Variants in ARHGAP26 observed in about 807,000 individuals in gnomAD.
The protein encoded by ARHGAP26 is rho GTPase-activating protein 26.
A neutral mutation model predicts 104.8 loss-of-function variants in ARHGAP26; 38 were observed. The ratio of observed to expected loss-of-function variants is 0.36; its 90% CI spans 0.28 to 0.48. The LOEUF is 0.48. Ranked by LOEUF, ARHGAP26 falls within the 20% of genes least tolerant of loss-of-function variation. The pLI, the probability that ARHGAP26 is intolerant of heterozygous loss-of-function variation, is 0.99. For missense variants in ARHGAP26, 704 were observed against 947.9 expected (o/e 0.74, Z 3.38); for synonymous variants, 341 against 340.0 (o/e 1.00, Z -0.03).
chr5:143,069,235 T>C (rs955123014), intron 17 of ARHGAP26, among the ~76,000 whole-genome samples: 7 of 152,238 alleles, frequency 4.6e-5, no homozygotes, highest in Admixed American at 6.5e-5. Context: ...ATATTTGATT[T>C]GTTTACTCGT....
At chr5:142,810,867 A>C (rs534733848) in intron 1 of ARHGAP26, among the ~76,000 whole-genome samples, 4 of 152,228 alleles carry the variant, frequency 2.6e-5, no homozygotes, top group Non-Finnish European at 5.9e-5. Context: ...TTTGTGTCCT[A>C]CATAAAGCGA....
In ARHGAP26 at chr5:142,899,260, CT is replaced by C. The variant is rs201579740; in HGVS notation, c.598-2668del. On this transcript the variant is annotated intron_variant, in intron 6 of 22. Coordinates refer to ENST00000645722, the MANE Select transcript of ARHGAP26 (RefSeq NM_001135608.3). ...CAGAGGTATTAGGACTTCAACATATCTTTTTTTGGGGGACACAATTTAACCC... is the reference window on the plus strand; with the variant it reads ...CAGAGGTATTAGGACTTCAACATATCTTTTTTGGGGGACACAATTTAACCC... 7.4e-3 allele frequency among the ~76,000 whole-genome samples: 1,134 copies of C among 152,224 alleles called. 14 individuals are homozygous for C. The highest frequency in any genetic ancestry group is 0.026 in the African/African-American group (1,077 of 41,532).
chr5:143,098,978 G>A (rs537845317), intron 17 of ARHGAP26, among the ~76,000 whole-genome samples: 129 of 152,306 alleles, frequency 8.5e-4, no homozygotes, highest in African/African-American at 3.1e-3. Context: ...CTTCAAAAGA[G>A]GACAGCAGAG....
At position 142,949,210 on chromosome 5, in the gene ARHGAP26, A is replaced by AG. The variant is rs1562136793; in HGVS notation, c.1107+17086dup. Among the ~76,000 whole-genome samples, 63 of 63,136 alleles carry AG rather than the reference A, an allele frequency of 1.0e-3. 7 individuals are homozygous for AG. The East Asian group carries it at 0.011, about 11-fold the overall frequency. 41.4% of individuals were successfully genotyped at this position (63,136 alleles called of 152,430 possible). On this transcript the variant is annotated intron_variant, in intron 11 of 22. Transcript: ENST00000645722. ...GAGAGAGAGAGAGAGAGAGAGAGAG[A>AG]GAGAGAGAGAGGAGAGAGAGAGGAG...
At chr5:142,906,385 T>C (rs1761105580) in intron 8 of ARHGAP26, among the ~76,000 whole-genome samples, 1 of 152,234 alleles carries the variant, frequency 6.6e-6, no homozygotes, top group African/African-American at 2.4e-5. Context: ...GAGCTGATCT[T>C]TACTATGATG....
intron 6 of ARHGAP26, 134 bp downstream of exon 6, chr5:142,894,482 C>T: frequency 1.3e-6 from 1 of 772,044 alleles, no homozygotes. Flanking sequence ...CTGTAAGTAT[C>T]AGTGCTTTGC....
chr5:143,178,440 T>C (rs573643594), intron 20 of ARHGAP26, among the ~76,000 whole-genome samples: 1 of 152,314 alleles, frequency 6.6e-6, no homozygotes, highest in South Asian at 2.1e-4. Context: ...GCAAGAAACA[T>C]AGAAAGATGG....
intron 14 of ARHGAP26, among the ~76,000 whole-genome samples, chr5:143,047,495 T>TA (rs1279981523): frequency 2.0e-5 from 3 of 152,246 alleles, no homozygotes; most frequent in African/African-American, 7.2e-5. Flanking sequence ...GGACTTATTT[T>TA]AAGATGTTGA....
intron 11 of ARHGAP26, among the ~76,000 whole-genome samples, chr5:142,976,825 C>A (rs1260243092): frequency 6.6e-6 from 1 of 152,166 alleles, no homozygotes; most frequent in African/African-American, 2.4e-5. Context: ...CTGGTTCAAA[C>A]TTTTCTGTGT....
intron 1 of ARHGAP26, among the ~76,000 whole-genome samples, chr5:142,870,415 T>C (rs1755112291): frequency 6.6e-6 from 1 of 152,176 alleles, no homozygotes; most frequent in South Asian, 2.1e-4. Context: ...TCAAGTAACA[T>C]AGAGGGTTTA....
At chr5:143,052,384 C>T (rs1039054279) in intron 14 of ARHGAP26, among the ~76,000 whole-genome samples, 7 of 151,906 alleles carry the variant, frequency 4.6e-5, no homozygotes, top group East Asian at 3.9e-4. Context: ...GCAGGAGAAT[C>T]GCTTGAACCC....
Position 142,889,624 on chromosome 5 carries a change from G to A in ARHGAP26, c.486+4225G>A, listed in dbSNP as rs577993723. Reference sequence around the variant, plus strand: ...CAGAGCGAGACTCTGTCTCAAGAAAGGAATAGATAAGAGTTTAAATTGGGA... The same window carrying A: ...CAGAGCGAGACTCTGTCTCAAGAAAAGAATAGATAAGAGTTTAAATTGGGA... On this transcript the variant is annotated intron_variant, in intron 5 of 22. Coordinates refer to ENST00000645722, the MANE Select transcript of ARHGAP26 (RefSeq NM_001135608.3). 1.6e-3 allele frequency among the ~76,000 whole-genome samples: 246 copies of A among 151,936 alleles called. 1 individual carries two copies. In the Middle Eastern group the frequency reaches 0.021, roughly 13 times the overall value.
At chr5:142,793,826 G>A (rs1392739169) in intron 1 of ARHGAP26, among the ~76,000 whole-genome samples, 2 of 152,100 alleles carry the variant, frequency 1.3e-5, no homozygotes, top group African/African-American at 2.4e-5. Flanking sequence ...GGCCTCAAGC[G>A]ATCTGCCTGC....
chr5:143,226,658 T>C lies in ARHGAP26; in HGVS notation c.*4212T>C. Reference sequence around the variant, plus strand: ...CTGTGCATTGTGGCCTGCCTTGGTGTCCTAGAATTGGAGCCAGTCTTTAGC... The same window carrying C: ...CTGTGCATTGTGGCCTGCCTTGGTGCCCTAGAATTGGAGCCAGTCTTTAGC... On this transcript the variant is annotated 3_prime_UTR_variant, in exon 23 of 23. Coordinates refer to ENST00000645722, the MANE Select transcript of ARHGAP26 (RefSeq NM_001135608.3). 1 of 215,610 alleles carries C rather than the reference T, an allele frequency of 4.6e-6. No homozygotes were observed. The highest frequency in any genetic ancestry group is 9.3e-6 in the Non-Finnish European group (1 of 107,026). The allele number at this position is 215,610 out of a possible 1,614,324, so 13.4% of individuals were successfully genotyped here. A position where few individuals can be genotyped will look rare whatever the true frequency, so the allele number is the denominator to read the frequency against.
intron 17 of ARHGAP26, among the ~76,000 whole-genome samples, chr5:143,082,875 C>T (rs1285054385): frequency 1.3e-5 from 2 of 152,200 alleles, no homozygotes; most frequent in Non-Finnish European, 2.9e-5. Flanking sequence ...TTTTCCTTTT[C>T]TACAGAACGT....
At chr5:143,190,355 A>T (rs1309549202) in intron 20 of ARHGAP26, among the ~76,000 whole-genome samples, 2 of 152,222 alleles carry the variant, frequency 1.3e-5, no homozygotes, top group African/African-American at 4.8e-5. Context: ...ACATATTATG[A>T]ATAGTGCTGC....
At chr5:142,841,586 C>T (rs954367074) in intron 1 of ARHGAP26, among the ~76,000 whole-genome samples, 1 of 152,176 alleles carries the variant, frequency 6.6e-6, no homozygotes, top group Non-Finnish European at 1.5e-5. Flanking sequence ...CCTCAGCCTC[C>T]GAGCCCCAGG....
intron 19 of ARHGAP26, among the ~76,000 whole-genome samples, chr5:143,146,876 T>C (rs1050794551): frequency 3.9e-5 from 6 of 152,122 alleles, no homozygotes; most frequent in African/African-American, 1.4e-4. Flanking sequence ...TCTGGGTGAA[T>C]GTGAGGGGTC....
intron 1 of ARHGAP26, among the ~76,000 whole-genome samples, chr5:142,872,608 G>A (rs553549000): frequency 6.6e-6 from 1 of 152,338 alleles, no homozygotes; most frequent in African/African-American, 2.4e-5. Context: ...AGGATCACTG[G>A]CTTTCATTAC....
Sources: gnomAD v4.1 joint callset for allele counts (sites outside exome capture counted in the v4.1 genomes callset) on GRCh38, gnomAD v4.1.1 for gene constraint, MANE v1.5 for transcripts, NCBI Gene and HGNC (gene_info 2026-07-23, HGNC 2026-07-21) for gene names.